Variants in ROBO2 observed in about 807,000 individuals in gnomAD.
The protein encoded by ROBO2 is roundabout homolog 2.
ROBO2 carries 53 observed loss-of-function variants against 160.8 expected under a neutral mutation model. That is an observed-to-expected ratio of 0.33 (90% CI 0.26 to 0.41). ROBO2 has a LOEUF of 0.41. Among genes scored for constraint, ROBO2 ranks in the 10% least tolerant of loss-of-function variants. The pLI is 1.00. For missense variants in ROBO2, 1,577 were observed against 1,722.4 expected (o/e 0.92, Z 1.49); for synonymous variants, 664 against 611.7 (o/e 1.09, Z -1.26).
intron 2 of ROBO2, among the ~76,000 whole-genome samples, chr3:76,220,901 AAGAACTTCCACTGGTTGT>A (rs1411615699): frequency 1.3e-5 from 2 of 152,178 alleles, no homozygotes; most frequent in Non-Finnish European, 2.9e-5. Context: ...TCTCTTTAGC[AAGAACTTCCACTGGTTGT>A]AGAACTTGCA....
chr3:76,739,890 G>A (rs574692061), intron 2 of ROBO2, among the ~76,000 whole-genome samples: 1 of 152,222 alleles, frequency 6.6e-6, no homozygotes, highest in South Asian at 2.1e-4. Flanking sequence ...TACACTTTAT[G>A]TAGAACTAAA....
At chr3:77,452,400 A>C (rs1461744909) in intron 2 of ROBO2, among the ~76,000 whole-genome samples, 1 of 152,188 alleles carries the variant, frequency 6.6e-6, no homozygotes, top group Non-Finnish European at 1.5e-5. Context: ...GCATATATAT[A>C]GTTAAAATCA....
At chr3:76,285,675 ATAT>A (rs1346378118) in intron 2 of ROBO2, among the ~76,000 whole-genome samples, 5 of 152,110 alleles carry the variant, frequency 3.3e-5, no homozygotes, top group Non-Finnish European at 7.4e-5. Context: ...ACTAATTGTA[ATAT>A]TATATAAGAA....
chr3:77,183,051 C>G (rs1426934133), intron 2 of ROBO2, among the ~76,000 whole-genome samples: 1 of 152,040 alleles, frequency 6.6e-6, no homozygotes, highest in Non-Finnish European at 1.5e-5. Flanking sequence ...CCCGGTCAGG[C>G]TCCAGACTGT....
intron 2 of ROBO2, among the ~76,000 whole-genome samples, chr3:76,860,364 A>G (rs1303426405): frequency 6.6e-6 from 1 of 152,236 alleles, no homozygotes; most frequent in East Asian, 1.9e-4. Context: ...AAATTGAGAT[A>G]TCAAAATTCT....
At chr3:76,250,375 A>C (rs913159881) in intron 2 of ROBO2, among the ~76,000 whole-genome samples, 1 of 152,088 alleles carries the variant, frequency 6.6e-6, no homozygotes, top group Non-Finnish European at 1.5e-5. Context: ...GTATACTGAA[A>C]TCAGATCTGT....
At chr3:77,277,157 CTTCTTTCTTTCT>C (rs758551962) in intron 2 of ROBO2, among the ~76,000 whole-genome samples, 86 of 88,208 alleles carry the variant, frequency 9.7e-4, no homozygotes, top group African/African-American at 1.7e-3. Context: ...TCCTTCTTTC[CTTCTTTCTTTCT>C]TTCTTTCTTT....
intron 2 of ROBO2, among the ~76,000 whole-genome samples, chr3:76,276,516 A>G (rs1290085567): frequency 6.6e-6 from 1 of 152,078 alleles, no homozygotes; most frequent in Admixed American, 6.6e-5. Context: ...ACAAATTATA[A>G]CATGAAACCA....
chr3:76,808,208 T>G (rs1049130138), intron 2 of ROBO2, among the ~76,000 whole-genome samples: 1 of 152,162 alleles, frequency 6.6e-6, no homozygotes, highest in African/African-American at 2.4e-5. Flanking sequence ...TAAGCTGCAC[T>G]GGACTTACTC....
intron 2 of ROBO2, among the ~76,000 whole-genome samples, chr3:76,285,207 G>T (rs1257298402): frequency 6.6e-6 from 1 of 152,064 alleles, no homozygotes; most frequent in African/African-American, 2.4e-5. Flanking sequence ...ATAAATGCTA[G>T]ACAGATGTAA....
intron 2 of ROBO2, among the ~76,000 whole-genome samples, chr3:77,274,728 T>C (rs1580566330): frequency 6.6e-6 from 1 of 152,224 alleles, no homozygotes; most frequent in East Asian, 1.9e-4. Flanking sequence ...TACTTTGTAA[T>C]AGGTACTTTC....
intron 2 of ROBO2, among the ~76,000 whole-genome samples, chr3:77,166,396 A>G (rs528010306): frequency 2.0e-5 from 3 of 152,312 alleles, no homozygotes; most frequent in Admixed American, 2.0e-4. Flanking sequence ...TCCCCAATTG[A>G]TTCAATTGCA....
intron 2 of ROBO2, among the ~76,000 whole-genome samples, chr3:76,036,352 G>T (rs2067107649): frequency 6.6e-6 from 1 of 151,820 alleles, no homozygotes; most frequent in South Asian, 2.1e-4. Flanking sequence ...GTTTCACCAT[G>T]TTGGTCAGGC....
At chr3:77,420,118 C>G (rs1204994300) in intron 2 of ROBO2, among the ~76,000 whole-genome samples, 1 of 151,952 alleles carries the variant, frequency 6.6e-6, no homozygotes. Flanking sequence ...TAATTTTTAA[C>G]TTTAAGAAAT....
intron 1 of ROBO2, among the ~76,000 whole-genome samples, chr3:77,070,918 C>A (rs918707653): frequency 1.6e-4 from 25 of 151,966 alleles, no homozygotes; most frequent in African/African-American, 5.6e-4. Context: ...AAGAAACAGG[C>A]CAGGTTTGGA....
At chr3:76,754,860 T>C (rs966762760) in intron 2 of ROBO2, among the ~76,000 whole-genome samples, 17 of 151,810 alleles carry the variant, frequency 1.1e-4, no homozygotes, top group African/African-American at 4.1e-4. Context: ...GCAAAATAAT[T>C]TAGGAATTTT....
chr3:77,222,281 C>T (rs947737642), intron 2 of ROBO2, among the ~76,000 whole-genome samples: 10 of 152,146 alleles, frequency 6.6e-5, no homozygotes, highest in African/African-American at 2.4e-4. Context: ...AAATATACTA[C>T]ATTGTCAATA....
Position 76,636,195 on chromosome 3 carries a change from G to A in ROBO2, c.110-461819G>A, listed in dbSNP as rs1268585569. Among the ~76,000 whole-genome samples the A allele has an allele frequency of 2.6e-5, 4 of 152,072 alleles. No homozygotes were observed. The East Asian group carries it at 7.7e-4, about 29-fold the overall frequency. On this transcript the variant is annotated intron_variant, in intron 2 of 26. Transcript: ENST00000487694. ...TTAGAAATATTGCATAAATTCCAAAGGAGTAATGACATTGAGACAAGAAAA... is the reference window on the plus strand; with the variant it reads ...TTAGAAATATTGCATAAATTCCAAAAGAGTAATGACATTGAGACAAGAAAA...
At chr3:76,310,205 T>C (rs6766234) in intron 2 of ROBO2, among the ~76,000 whole-genome samples, 137,267 of 152,232 alleles carry the variant, frequency 0.9, 63,349 homozygotes, top group East Asian at 1. Flanking sequence ...ATTATAACCA[T>C]ACCTTGTGAC....
Sources: allele counts gnomAD v4.1 joint callset (sites outside exome capture counted in the v4.1 genomes callset), GRCh38; gene constraint gnomAD v4.1.1; transcripts MANE v1.5; gene names NCBI Gene and HGNC (gene_info 2026-07-23, HGNC 2026-07-21).